ELMOD3: variants seen among roughly 807,000 people sequenced by gnomAD.
ELMOD3 encodes the protein ELMO domain containing 3, also known as ELMO domain-containing protein 3.
In ELMOD3, 36 loss-of-function variants were observed where a neutral mutation model predicts 47.4. The observed-to-expected ratio is 0.76, with a 90% CI of 0.58 to 1.00. ELMOD3 has a LOEUF of 1.00. Among genes scored for constraint, ELMOD3 ranks in the 50% least tolerant of loss-of-function variants. ELMOD3 has a pLI of 0.00. For missense variants in ELMOD3, 404 were observed against 463.8 expected (o/e 0.87, Z 1.18); for synonymous variants, 149 against 183.5 (o/e 0.81, Z 1.52).
At chr2:85,363,022 A>G (rs1488156996) in intron 5 of ELMOD3, 75 bp from the exon 6 acceptor site, 1 of 888,520 alleles carries the variant, frequency 1.1e-6, no homozygotes, top group East Asian at 2.4e-5. Flanking sequence ...CATTCAGTAC[A>G]GTGGGTGGGA....
intron 11 of ELMOD3, among the ~76,000 whole-genome samples, chr2:85,385,470 T>C (rs1203310524): frequency 6.6e-6 from 1 of 152,116 alleles, no homozygotes; most frequent in African/African-American, 2.4e-5. Context: ...CAGTGCTCAG[T>C]TGGGGAGCTT....
At chr2:85,361,930 C>CA (rs1167629123) in intron 4 of ELMOD3, among the ~76,000 whole-genome samples, 267 of 117,968 alleles carry the variant, frequency 2.3e-3, no homozygotes, top group Admixed American at 3.2e-3. Context: ...GACTCCGTCT[C>CA]AAAAAAAAAA....
intron 11 of ELMOD3, 48 bp from the exon 12 acceptor site, chr2:85,389,703 C>G: frequency 6.5e-7 from 1 of 1,547,774 alleles, no homozygotes; most frequent in Non-Finnish European, 8.9e-7. Flanking sequence ...TGACAGGAAA[C>G]ACAGTGAGAG....
At position 85,391,070 on chromosome 2, in the gene ELMOD3, A is replaced by G. The variant is rs1346697927; in HGVS notation, c.*108A>G. 4.4e-6 allele frequency: 5 copies of G among 1,127,152 alleles called. No individual in the cohort carries two copies. Among genetic ancestry groups the G allele is most frequent in the Non-Finnish European group, 6.3e-6 (5 of 795,320 alleles). 69.8% of individuals were successfully genotyped at this position (1,127,152 alleles called of 1,614,324 possible). A position where few individuals can be genotyped will look rare whatever the true frequency, so the allele number is the denominator to read the frequency against. On this transcript the variant is annotated 3_prime_UTR_variant, in exon 14 of 14. Coordinates refer to ENST00000409013, the MANE Select transcript of ELMOD3 (RefSeq NM_001135022.2). ...GCCGCACCCCTTGCTGTCTCAGCAGATGGGATATAGGAAGCTCCTGGGCTT... is the reference window on the plus strand; with the variant it reads ...GCCGCACCCCTTGCTGTCTCAGCAGGTGGGATATAGGAAGCTCCTGGGCTT...
chr2:85,391,081 G>A lies in ELMOD3; in HGVS notation c.*119G>A. On this transcript the variant is annotated 3_prime_UTR_variant, in exon 14 of 14. Transcript: ENST00000409013. ...TGCTGTCTCAGCAGATGGGATATAG[G>A]AAGCTCCTGGGCTTAGCTGTGGGAA... The A allele has an allele frequency of 9.6e-7, 1 of 1,036,642 alleles. No individual in the cohort carries two copies. The highest frequency in any genetic ancestry group is 1.4e-6 in the Non-Finnish European group (1 of 717,934). 64.2% of individuals were successfully genotyped at this position (1,036,642 alleles called of 1,614,324 possible).
chr2:85,391,072 G>A lies in ELMOD3; in HGVS notation c.*110G>A, dbSNP rs1686323019. 9.0e-7 allele frequency: 1 copy of A among 1,106,872 alleles called. No homozygotes were observed. The highest frequency in any genetic ancestry group is 1.6e-5 in the South Asian group (1 of 62,768). The allele number at this position is 1,106,872 out of a possible 1,614,324, so 68.6% of individuals were successfully genotyped here. On this transcript the variant is annotated 3_prime_UTR_variant, in exon 14 of 14. Transcript: ENST00000409013. ...CGCACCCCTTGCTGTCTCAGCAGATGGGATATAGGAAGCTCCTGGGCTTAG... is the reference window on the plus strand; with the variant it reads ...CGCACCCCTTGCTGTCTCAGCAGATAGGATATAGGAAGCTCCTGGGCTTAG...
intron 10 of ELMOD3, among the ~76,000 whole-genome samples, chr2:85,375,080 C>A (rs1685076924): frequency 6.7e-6 from 1 of 150,082 alleles, no homozygotes; most frequent in Non-Finnish European, 1.5e-5. Flanking sequence ...GAGATTCCAT[C>A]TCAAAAAAAA....
At position 85,391,023 on chromosome 2, in the gene ELMOD3, G is replaced by T; in HGVS notation, c.*61G>T. The T allele has an allele frequency of 7.7e-7, 1 of 1,304,550 alleles. No individual in the cohort carries two copies. The highest frequency in any genetic ancestry group is 1.1e-6 in the Non-Finnish European group (1 of 946,934). 80.8% of individuals were successfully genotyped at this position (1,304,550 alleles called of 1,614,324 possible). A position where few individuals can be genotyped will look rare whatever the true frequency, so the allele number is the denominator to read the frequency against. On this transcript the variant is annotated 3_prime_UTR_variant, in exon 14 of 14. Coordinates refer to ENST00000409013, the MANE Select transcript of ELMOD3 (RefSeq NM_001135022.2). Reference sequence around the variant, plus strand: ...CAGGGGCTTTCAGGGGGTCAGTGGAGCCATGTCAGGAGCCTGGCCAGGCCG... The same window carrying T: ...CAGGGGCTTTCAGGGGGTCAGTGGATCCATGTCAGGAGCCTGGCCAGGCCG...
intron 11 of ELMOD3, among the ~76,000 whole-genome samples, chr2:85,387,562 T>C (rs1686017076): frequency 6.7e-6 from 1 of 149,512 alleles, no homozygotes; most frequent in African/African-American, 2.5e-5. Context: ...TTTGGGAGGC[T>C]GAGGCAGGAA....
At chr2:85,365,152 A>C (rs1174809745) in intron 6 of ELMOD3, among the ~76,000 whole-genome samples, 1 of 150,252 alleles carries the variant, frequency 6.7e-6, no homozygotes, top group Non-Finnish European at 1.5e-5. Context: ...AAATAAATGT[A>C]GGCTGGGCAC....
intron 10 of ELMOD3, among the ~76,000 whole-genome samples, chr2:85,374,682 C>T (rs1036432942): frequency 1.3e-5 from 2 of 151,910 alleles, no homozygotes; most frequent in African/African-American, 2.4e-5. Flanking sequence ...TGTGGTGGCG[C>T]ATGCTTATAG....
chr2:85,380,760 A>T (rs2104677016), intron 11 of ELMOD3, among the ~76,000 whole-genome samples: 1 of 152,280 alleles, frequency 6.6e-6, no homozygotes, highest in African/African-American at 2.4e-5. Context: ...CCTGACCTCA[A>T]GTGATGTGCT....
chr2:85,364,825 ATTTTTTTTTTT>A (rs869054374), intron 6 of ELMOD3, among the ~76,000 whole-genome samples: 1 of 69,894 alleles, frequency 1.4e-5, no homozygotes, highest in East Asian at 3.3e-4. Flanking sequence ...ATATATATAT[ATTTTTTTTTTT>A]TTTTTTTTTT....
intron 11 of ELMOD3, among the ~76,000 whole-genome samples, chr2:85,382,147 G>T (rs1254224619): frequency 1.4e-5 from 2 of 139,560 alleles, no homozygotes; most frequent in Non-Finnish European, 3.1e-5. Context: ...AAAAGATTTG[G>T]CAGGACATAG....
intron 10 of ELMOD3, chr2:85,372,635 A>G (rs949713318): frequency 1.3e-5 from 2 of 152,200 alleles, no homozygotes; most frequent in African/African-American, 4.8e-5. Context: ...CACACCTATA[A>G]TCCCAGCACT....
Position 85,388,778 on chromosome 2 carries a change from C to G in ELMOD3, c.739-973C>G, listed in dbSNP as rs78638865. ...AGCTGAATTTATATTTGTTTTTCAT[C>G]TTTAACTCATTTAAATAGCTACATG... On this transcript the variant is annotated intron_variant, in intron 11 of 13. Transcript: ENST00000409013. 1.6e-3 allele frequency among the ~76,000 whole-genome samples: 239 copies of G among 152,328 alleles called. 4 individuals are homozygous for G. The East Asian group carries it at 0.043, about 28-fold the overall frequency.
In ELMOD3 at chr2:85,357,084, G is replaced by A; in HGVS notation, c.-115G>A. On this transcript the variant is annotated 5_prime_UTR_variant, in exon 4 of 14. Transcript: ENST00000409013. ...CTTAGTCTGAGTGACTGCCAAGGAAGGCAAAGGTAGAGCAACTGGATCTCT... is the reference window on the plus strand; with the variant it reads ...CTTAGTCTGAGTGACTGCCAAGGAAAGCAAAGGTAGAGCAACTGGATCTCT... The A allele has an allele frequency of 1.4e-6, 1 of 691,466 alleles. No homozygotes were observed. Among genetic ancestry groups the A allele is most frequent in the Non-Finnish European group, 2.5e-6 (1 of 400,948 alleles). The allele number at this position is 691,466 out of a possible 1,614,324, so 42.8% of individuals were successfully genotyped here.
In ELMOD3 at chr2:85,366,982, C is replaced by T. The variant is rs530311044; in HGVS notation, c.200-1704C>T. 7.9e-5 allele frequency among the ~76,000 whole-genome samples: 12 copies of T among 152,274 alleles called. No homozygotes were observed. In the South Asian group the frequency reaches 1.0e-3, roughly 13 times the overall value. ...AGTCAGTGACAGAAGATGCCGCTAG[C>T]AGTTTGAGCCAGAGAATGACAGCTC... On this transcript the variant is annotated intron_variant, in intron 6 of 13. Coordinates refer to ENST00000409013, the MANE Select transcript of ELMOD3 (RefSeq NM_001135022.2).
rs1356012945 is a variant in ELMOD3 at position 85,376,274 on chromosome 2, A to G, written c.608-1070A>G. ...ACTGATTTTTTATTGTATCTTAGAC[A>G]TTTTGGGTAGTCTGTATGAGACTCT... On this transcript the variant is annotated intron_variant, in intron 10 of 13. Transcript: ENST00000409013. The surrounding 1 kb of genome is among the most constrained non-coding windows in gnomAD (Gnocchi z 4.2). Among the ~76,000 whole-genome samples, 1 of 152,158 alleles carries G rather than the reference A, an allele frequency of 6.6e-6. No individual in the cohort carries two copies. The highest frequency in any genetic ancestry group is 1.5e-5 in the Non-Finnish European group (1 of 68,026).
Sources: gnomAD v4.1 joint callset for allele counts (sites outside exome capture counted in the v4.1 genomes callset) on GRCh38, gnomAD v4.1.1 for gene constraint, Gnocchi (gnomAD v3.1) non-coding constraint, MANE v1.5 for transcripts, NCBI Gene and HGNC (gene_info 2026-07-23, HGNC 2026-07-21) for gene names.